Variants in SMARCA2 observed in about 807,000 individuals in gnomAD.
The protein encoded by SMARCA2 is SWI/SNF-related matrix-associated actin-dependent regulator of chromatin subfamily A member 2.
SMARCA2 carries 61 observed loss-of-function variants against 199.8 expected under a neutral mutation model. That is an observed-to-expected ratio of 0.31 (90% CI 0.25 to 0.38). SMARCA2 has a LOEUF of 0.38. SMARCA2 is among the 10% of genes least tolerant of loss of function. SMARCA2 has a pLI of 1.00. For synonymous variants in SMARCA2, 935 were observed against 732.0 expected (o/e 1.28, Z -4.48); for missense variants, 1,344 against 2,012.2 (o/e 0.67, Z 6.35).
chr9:2,026,028 G>A (rs1818813968), intron 1 of SMARCA2, among the ~76,000 whole-genome samples: 1 of 152,118 alleles, frequency 6.6e-6, no homozygotes, highest in Non-Finnish European at 1.5e-5. Flanking sequence ...AGCTGGAAGG[G>A]ACCTTTGAGA....
intron 31 of SMARCA2, 46 bp downstream of exon 31, chr9:2,182,288 C>A (rs760058839): frequency 5.2e-6 from 6 of 1,145,884 alleles, no homozygotes; most frequent in African/African-American, 1.5e-5. Context: ...GTAAATGTGC[C>A]CGTTGTTCTT....
At chr9:2,036,583 A>G (rs1361239278) in intron 3 of SMARCA2, among the ~76,000 whole-genome samples, 1 of 152,214 alleles carries the variant, frequency 6.6e-6, no homozygotes, top group Non-Finnish European at 1.5e-5. Context: ...CTCTATTTTT[A>G]ATACCATACG....
intron 9 of SMARCA2, among the ~76,000 whole-genome samples, chr9:2,065,319 T>C (rs192575035): frequency 6.6e-6 from 1 of 152,240 alleles, no homozygotes; most frequent in African/African-American, 2.4e-5. Context: ...TGTTATTTAT[T>C]TGTGACATTT....
intron 17 of SMARCA2, 54 bp downstream of exon 17, chr9:2,084,250 T>C (rs1821698498): frequency 1.1e-6 from 1 of 916,956 alleles, no homozygotes; most frequent in African/African-American, 1.6e-5. Context: ...CACTGGAATG[T>C]GAAGTATTGC....
chr9:2,081,882 A>G lies in SMARCA2; in HGVS notation c.2235A>G (p.Gly745=). The G allele has an allele frequency of 3.7e-6, 6 of 1,614,092 alleles. No homozygotes were observed. The highest frequency in any genetic ancestry group is 5.1e-6 in the Non-Finnish European group (6 of 1,179,990). ...CCCTGTATAATAACAACTTGAACGG[A>G]ATCTTAGCCGATGAAATGGGGCTTG... ...MVSLYNNNLN[G]ILADEMGLGK... is the part of the protein sequence containing the mutation. Residue 745 remains glycine (G), a synonymous_variant, in exon 15 of 34, where the codon GGA becomes GGG. Coordinates refer to ENST00000349721, the MANE Select transcript of SMARCA2 (RefSeq NM_003070.5).
At chr9:2,181,089 C>G (rs1382286646) in intron 29 of SMARCA2, 1 of 153,634 alleles carries the variant, frequency 6.5e-6, no homozygotes, top group Non-Finnish European at 1.4e-5. Flanking sequence ...ACTTGAGTTT[C>G]CAGAGTATAT....
At position 2,179,322 on chromosome 9, in the gene SMARCA2, A is replaced by T. The variant is rs556611940; in HGVS notation, c.4254-2249A>T. ...AGTGATGATGGAAACAACATATCCC[A>T]AGAAGTCTTCCATAGATAACTTCCA... On this transcript the variant is annotated intron_variant, in intron 29 of 33. Coordinates refer to ENST00000349721, the MANE Select transcript of SMARCA2 (RefSeq NM_003070.5). Among the ~76,000 whole-genome samples the T allele has an allele frequency of 1.6e-4, 25 of 152,354 alleles. No homozygotes were observed. The South Asian group carries it at 5.2e-3, about 32-fold the overall frequency.
intron 21 of SMARCA2, 137 bp downstream of exon 21, chr9:2,097,608 G>T: frequency 1.7e-6 from 1 of 574,046 alleles, no homozygotes. Flanking sequence ...GACATGATCT[G>T]ATAGCTCGAC....
rs763135326 is a variant in SMARCA2 at position 2,123,757 on chromosome 9, C to T, written c.3801C>T (p.Asn1267=). Residue 1267 remains asparagine, a synonymous_variant, in exon 27 of 34, where the codon AAC becomes AAT. Coordinates refer to ENST00000349721, the MANE Select transcript of SMARCA2 (RefSeq NM_003070.5). This position sits in a 1 kb window ranked among gnomAD's most constrained non-coding sequence, Gnocchi z 4.1. Reference sequence around the variant, plus strand: ...ACCGGCGGAGGGAAGATGCCCGGAACCCGAAACGGAAGCCCCGTTTAATGG... The same window carrying T: ...ACCGGCGGAGGGAAGATGCCCGGAATCCGAAACGGAAGCCCCGTTTAATGG... ...DMDRRREDAR[N]PKRKPRLMEE... 21 of 1,614,080 alleles carry T rather than the reference C, an allele frequency of 1.3e-5. No individual in the cohort carries two copies. In the East Asian group the frequency reaches 3.6e-4, roughly 27 times the overall value.
At chr9:2,109,669 T>C (rs1822905999) in intron 23 of SMARCA2, among the ~76,000 whole-genome samples, 1 of 152,154 alleles carries the variant, frequency 6.6e-6, no homozygotes, top group South Asian at 2.1e-4. Context: ...TAAGTCTTGC[T>C]AACAAGGATA....
At chr9:2,175,790 G>A (rs539314141) in intron 29 of SMARCA2, among the ~76,000 whole-genome samples, 39 of 152,172 alleles carry the variant, frequency 2.6e-4, no homozygotes, top group South Asian at 1.0e-3. Flanking sequence ...CCTTCTGGTC[G>A]TTTTTCAATG....
intron 1 of SMARCA2, among the ~76,000 whole-genome samples, chr9:2,022,362 T>C (rs1025241358): frequency 1.3e-5 from 2 of 152,234 alleles, no homozygotes; most frequent in African/African-American, 4.8e-5. Context: ...AGTCAGCTAC[T>C]GTTATGCCTA....
chr9:2,169,787 G>A lies in SMARCA2; in HGVS notation c.4200-632G>A, dbSNP rs1199371615. ...GTTTCAAAAATCCTCAACTGAAGAG[G>A]CTTTTCTAGAGGCTTGTAGAAGTGC... On this transcript the variant is annotated intron_variant, in intron 28 of 33. Transcript: ENST00000349721. The surrounding 1 kb of genome is among the most constrained non-coding windows in gnomAD (Gnocchi z 6.5). Among the ~76,000 whole-genome samples, 1 of 152,146 alleles carries A rather than the reference G, an allele frequency of 6.6e-6. No individual in the cohort carries two copies. The highest frequency in any genetic ancestry group is 2.4e-5 in the African/African-American group (1 of 41,436).
chr9:2,160,622 A>G (rs1380707231), intron 27 of SMARCA2: 1 of 702,374 alleles, frequency 1.4e-6, no homozygotes, highest in South Asian at 1.5e-5. Context: ...AAATGAAGGT[A>G]ATTGCCTTAT....
chr9:2,026,993 A>T (rs979995416), intron 1 of SMARCA2, among the ~76,000 whole-genome samples: 1 of 152,080 alleles, frequency 6.6e-6, no homozygotes, highest in Non-Finnish European at 1.5e-5. Context: ...TCCTGTTTTG[A>T]TCCCCTGCTT....
intron 28 of SMARCA2, among the ~76,000 whole-genome samples, chr9:2,168,836 T>C (rs1826076775): frequency 6.6e-6 from 1 of 152,238 alleles, no homozygotes; most frequent in Non-Finnish European, 1.5e-5. Context: ...ATTATTCTGC[T>C]GGGATCTTTG....
At chr9:2,111,434 G>A (rs1225586275) in intron 24 of SMARCA2, among the ~76,000 whole-genome samples, 9 of 148,916 alleles carry the variant, frequency 6.0e-5, no homozygotes, top group African/African-American at 1.7e-4. Flanking sequence ...AGAGGCTATA[G>A]TGAGCCATGA....
intron 4 of SMARCA2, chr9:2,042,196 C>G (rs989992323): frequency 6.6e-6 from 1 of 152,168 alleles, no homozygotes; most frequent in African/African-American, 2.4e-5. Flanking sequence ...ATCTTTATAT[C>G]CCATGTCTCA....
intron 7 of SMARCA2, among the ~76,000 whole-genome samples, chr9:2,057,263 G>C (rs1449041349): frequency 1.3e-5 from 2 of 152,160 alleles, no homozygotes; most frequent in African/African-American, 2.4e-5. Context: ...ACTTCTCCTT[G>C]TTTTCTTACG....
Sources: allele counts gnomAD v4.1 joint callset (sites outside exome capture counted in the v4.1 genomes callset), GRCh38; gene constraint gnomAD v4.1.1; non-coding constraint Gnocchi (gnomAD v3.1); transcripts MANE v1.5; gene names NCBI Gene and HGNC (gene_info 2026-07-23, HGNC 2026-07-21).